Variants in EYS observed in about 807,000 individuals in gnomAD.
EYS encodes the protein EGF-like photoreceptor maintenance factor, also known as protein eyes shut homolog.
EYS carries 250 observed loss-of-function variants against 282.1 expected under a neutral mutation model. That is an observed-to-expected ratio of 0.89 (90% CI 0.80 to 0.98). EYS has a LOEUF of 0.98. Among genes scored for constraint, EYS ranks in the 50% least tolerant of loss-of-function variants. The pLI, the probability that EYS is intolerant of heterozygous loss-of-function variation, is 0.00. For missense variants in EYS, 4,016 were observed against 3,709.0 expected (o/e 1.08, Z -2.15); for synonymous variants, 1,355 against 1,282.9 (o/e 1.06, Z -1.20).
At chr6:64,734,859 T>C (rs1243345919) in intron 22 of EYS, among the ~76,000 whole-genome samples, 1 of 152,164 alleles carries the variant, frequency 6.6e-6, no homozygotes, top group Non-Finnish European at 1.5e-5. Context: ...TATTTGTATA[T>C]AGTGACATTC....
intron 12 of EYS, among the ~76,000 whole-genome samples, chr6:65,184,313 A>G (rs542770438): frequency 4.1e-4 from 62 of 151,996 alleles, no homozygotes; most frequent in African/African-American, 1.5e-3. Flanking sequence ...AAGTCATCAC[A>G]TGGCAGAAAG....
At chr6:64,039,306 T>C (rs1049748644) in intron 33 of EYS, among the ~76,000 whole-genome samples, 2 of 152,188 alleles carry the variant, frequency 1.3e-5, no homozygotes, top group Admixed American at 6.5e-5. Context: ...AGAAGAAAAC[T>C]GAACTCTTTT....
At chr6:64,376,016 TA>T (rs770504325) in intron 29 of EYS, among the ~76,000 whole-genome samples, 3 of 152,156 alleles carry the variant, frequency 2.0e-5, no homozygotes, top group South Asian at 2.1e-4. Context: ...TGCTATTCCA[TA>T]AAAAAATTGT....
chr6:64,259,142 C>G (rs989187693), intron 30 of EYS, among the ~76,000 whole-genome samples: 3 of 151,998 alleles, frequency 2.0e-5, no homozygotes, highest in Admixed American at 2.0e-4. Flanking sequence ...ATCTAGGGAG[C>G]AAATATTGTA....
chr6:64,151,620 A>G (rs1774742353), intron 31 of EYS, among the ~76,000 whole-genome samples: 1 of 151,806 alleles, frequency 6.6e-6, no homozygotes, highest in Non-Finnish European at 1.5e-5. Flanking sequence ...TCAGCCTTCC[A>G]AAGTGTTGGG....
intron 5 of EYS, among the ~76,000 whole-genome samples, chr6:65,461,886 C>G (rs916867280): frequency 2.0e-5 from 3 of 152,028 alleles, no homozygotes; most frequent in African/African-American, 7.2e-5. Flanking sequence ...ATTTATCAGT[C>G]TCTTATAAAA....
intron 18 of EYS, among the ~76,000 whole-genome samples, chr6:64,894,506 G>A (rs1767392307): frequency 6.6e-6 from 1 of 152,240 alleles, no homozygotes; most frequent in Admixed American, 6.5e-5. Flanking sequence ...GAAATGTATA[G>A]TTCTGGAGGA....
chr6:65,630,944 G>A (rs1766889214), intron 2 of EYS, among the ~76,000 whole-genome samples: 1 of 152,060 alleles, frequency 6.6e-6, no homozygotes, highest in African/African-American at 2.4e-5. Flanking sequence ...ATATACTTAG[G>A]CAATAGTTCA....
chr6:65,059,092 G>GA (rs1773496987), intron 12 of EYS, among the ~76,000 whole-genome samples: 1 of 150,858 alleles, frequency 6.6e-6, no homozygotes, highest in South Asian at 2.1e-4. Flanking sequence ...GGTAAGCTGA[G>GA]AAAAAAAGTG....
At chr6:63,828,513 T>G (rs1242063708) in intron 36 of EYS, among the ~76,000 whole-genome samples, 1 of 152,014 alleles carries the variant, frequency 6.6e-6, no homozygotes, top group African/African-American at 2.4e-5. Flanking sequence ...TCAAGAAGAA[T>G]TACATAACCT....
intron 5 of EYS, among the ~76,000 whole-genome samples, chr6:65,415,972 G>A (rs945182971): frequency 2.0e-5 from 3 of 151,976 alleles, no homozygotes; most frequent in African/African-American, 7.2e-5. Flanking sequence ...TAACAGGTTT[G>A]TAATTTTGCA....
At chr6:65,319,397 T>C (rs1582137616) in intron 11 of EYS, among the ~76,000 whole-genome samples, 1 of 150,904 alleles carries the variant, frequency 6.6e-6, no homozygotes, top group East Asian at 1.9e-4. Context: ...ATAATATATA[T>C]ATATATTTTT....
intron 16 of EYS, among the ~76,000 whole-genome samples, chr6:64,911,201 C>G (rs941749930): frequency 6.6e-6 from 1 of 152,006 alleles, no homozygotes; most frequent in African/African-American, 2.4e-5. Context: ...GAATTATGTT[C>G]TTCATAATTA....
At position 65,041,204 on chromosome 6, in the gene EYS, A is replaced by G. The variant is rs1317698177; in HGVS notation, c.2137+16410T>C. ...TAAAAAAGGAGAGAAGAAGAAAGGTATATAGCACAGATCAGTCCATAGTAC... is the reference window on the plus strand; with the variant it reads ...TAAAAAAGGAGAGAAGAAGAAAGGTGTATAGCACAGATCAGTCCATAGTAC... On this transcript the variant is annotated intron_variant, in intron 13 of 42. Coordinates refer to ENST00000503581, the MANE Select transcript of EYS (RefSeq NM_001142800.2). 3.3e-5 allele frequency among the ~76,000 whole-genome samples: 5 copies of G among 151,854 alleles called. No individual in the cohort carries two copies. The South Asian group carries it at 6.2e-4, about 19-fold the overall frequency.
intron 35 of EYS, among the ~76,000 whole-genome samples, chr6:63,883,192 C>T (rs1396708133): frequency 1.3e-5 from 2 of 152,184 alleles, no homozygotes; most frequent in African/African-American, 4.8e-5. Context: ...AACTTTCTTA[C>T]TAAGGCCTCC....
At chr6:64,419,528 A>G (rs1774160641) in intron 28 of EYS, among the ~76,000 whole-genome samples, 1 of 152,262 alleles carries the variant, frequency 6.6e-6, no homozygotes, top group African/African-American at 2.4e-5. Context: ...GCTTCTGCCT[A>G]TGAGCCTATA....
chr6:65,204,882 G>A (rs1195613884), intron 12 of EYS, among the ~76,000 whole-genome samples: 2 of 99,602 alleles, frequency 2.0e-5, no homozygotes, highest in East Asian at 2.4e-4. Context: ...CTGGAAGAAC[G>A]TATTTATATA....
At chr6:64,022,914 G>T (rs1769259711) in intron 33 of EYS, among the ~76,000 whole-genome samples, 1 of 152,202 alleles carries the variant, frequency 6.6e-6, no homozygotes, top group Admixed American at 6.5e-5. Context: ...GCCCTGAAAT[G>T]AAATTCTTGC....
intron 28 of EYS, among the ~76,000 whole-genome samples, chr6:64,396,601 C>T (rs1035186687): frequency 2.0e-5 from 3 of 151,980 alleles, no homozygotes; most frequent in African/African-American, 4.8e-5. Flanking sequence ...TTTATATAGT[C>T]CCAAGTATGT....
Sources: allele counts gnomAD v4.1 joint callset (sites outside exome capture counted in the v4.1 genomes callset), GRCh38; gene constraint gnomAD v4.1.1; transcripts MANE v1.5; gene names NCBI Gene and HGNC (gene_info 2026-07-23, HGNC 2026-07-21).